The following JAK1 variants were observed in gnomAD, a reference collection of about 807,000 sequenced individuals.
JAK1 encodes tyrosine-protein kinase JAK1.
JAK1 carries 16 observed loss-of-function variants against 136.6 expected under a neutral mutation model. The ratio of observed to expected loss-of-function variants is 0.12; its 90% CI spans 0.08 to 0.18. The LOEUF (loss-of-function observed/expected upper bound fraction) is 0.18. JAK1 is among the 10% of genes least tolerant of loss of function. The probability of loss-of-function intolerance (pLI) is 1.00; values close to 1 mark genes in which losing one functional copy is unlikely to be tolerated. For missense variants in JAK1, 859 were observed against 1,450.1 expected, an observed-to-expected ratio of 0.59 and a Z score of 6.62; for synonymous variants, 492 against 519.5, an observed-to-expected ratio of 0.95 and a Z score of 0.72.
intron 1 of JAK1, among the ~76,000 whole-genome samples, chr1:64,905,306 C>A (rs1244519994): frequency 6.6e-6 from 1 of 152,180 alleles, no homozygotes; most frequent in African/African-American, 2.4e-5. Flanking sequence ...TTACGAAAAC[C>A]TGGGAATCCA....
chr1:65,030,536 ATT>A (rs34009188), intron 2 of JAK1, among the ~76,000 whole-genome samples: 3 of 146,072 alleles, frequency 2.1e-5, no homozygotes, highest in African/African-American at 2.5e-5. Context: ...CCTCCTGACA[ATT>A]TTTTTTTTTT....
chr1:64,857,036 T>C (rs1340600654), intron 10 of JAK1, among the ~76,000 whole-genome samples: 1 of 152,242 alleles, frequency 6.6e-6, no homozygotes, highest in Non-Finnish European at 1.5e-5. Flanking sequence ...CAAAGGCATT[T>C]GTGGTCTAGT....
At chr1:64,880,007 A>C (rs1410069789) in intron 3 of JAK1, among the ~76,000 whole-genome samples, 1 of 152,204 alleles carries the variant, frequency 6.6e-6, no homozygotes, top group Non-Finnish European at 1.5e-5. Context: ...CCAGGCCTCA[A>C]ACTAAGATGA....
intron 1 of JAK1, 57 bp downstream of exon 1, chr1:64,966,276 C>A (rs1383709615): frequency 6.6e-6 from 1 of 152,572 alleles, no homozygotes; most frequent in Non-Finnish European, 1.5e-5. Context: ...GGCTGCGCGC[C>A]CCTCGCCTGC....
In JAK1 at chr1:64,869,438, G is replaced by T. The variant is rs2101132185; in HGVS notation, c.520C>A (p.Arg174=). ...CCATCCTGCTCGGTCTTGGGGTCTC[G>T]AATAGGAGCCAGGCATTTCACCAAA... ...YDLVKCLAPI[R]DPKTEQDGHD... is the part of the protein sequence containing the mutation. Residue 174 remains arginine, a synonymous_variant, in exon 6 of 25, where the codon CGA becomes AGA. Coordinates refer to ENST00000342505, the MANE Select transcript of JAK1 (RefSeq NM_002227.4). 6.2e-7 allele frequency: 1 copy of T among 1,613,962 alleles called. No homozygotes were observed. Among genetic ancestry groups the T allele is most frequent in the Non-Finnish European group, 8.5e-7 (1 of 1,179,942 alleles).
At chr1:65,002,113 G>A (rs1292526976) in intron 2 of JAK1, among the ~76,000 whole-genome samples, 1 of 152,112 alleles carries the variant, frequency 6.6e-6, no homozygotes, top group African/African-American at 2.4e-5. Flanking sequence ...AGAGTCTGCG[G>A]TATGCTGTCC....
chr1:64,960,623 C>A (rs10889512), intron 1 of JAK1, among the ~76,000 whole-genome samples: 128,271 of 152,160 alleles, frequency 0.84, 54,397 homozygotes, highest in East Asian at 1. Flanking sequence ...TCTCTCGCAG[C>A]TCACTCTTAA....
At chr1:64,951,909 G>A (rs2935418) in intron 1 of JAK1, among the ~76,000 whole-genome samples, 5 of 151,868 alleles carry the variant, frequency 3.3e-5, no homozygotes, top group African/African-American at 7.3e-5. Context: ...CGCCCGCCTC[G>A]GCCTCCCAAA....
At chr1:64,996,826 G>A (rs1297742562) in intron 2 of JAK1, among the ~76,000 whole-genome samples, 1 of 152,188 alleles carries the variant, frequency 6.6e-6, no homozygotes, top group Non-Finnish European at 1.5e-5. Flanking sequence ...CCTAAGACAG[G>A]AAAATCTAAC....
intron 2 of JAK1, among the ~76,000 whole-genome samples, chr1:65,024,645 T>C (rs1569898908): frequency 9.3e-6 from 1 of 107,108 alleles, no homozygotes; most frequent in African/African-American, 3.9e-5. Context: ...GCTTCAAGAA[T>C]GGCCTGGTCC....
intron 2 of JAK1, among the ~76,000 whole-genome samples, chr1:65,011,594 T>C (rs1200299232): frequency 1.3e-5 from 2 of 152,242 alleles, no homozygotes; most frequent in Non-Finnish European, 2.9e-5. Flanking sequence ...TTACTACCAC[T>C]GACATATCGA....
At chr1:64,957,699 C>G (rs1285951594) in intron 1 of JAK1, among the ~76,000 whole-genome samples, 1 of 147,222 alleles carries the variant, frequency 6.8e-6, no homozygotes, top group Non-Finnish European at 1.5e-5. Context: ...AATCCCAGCA[C>G]TTTGGGAGGC....
At chr1:64,974,115 T>C (rs1013599580) in intron 2 of JAK1, 2 of 152,230 alleles carry the variant, frequency 1.3e-5, no homozygotes, top group Non-Finnish European at 1.5e-5. Context: ...ATAAATTCAA[T>C]ACATAGGTAT....
chr1:64,960,612 TTC>T (rs1264777479), intron 1 of JAK1, among the ~76,000 whole-genome samples: 1 of 152,222 alleles, frequency 6.6e-6, no homozygotes, highest in Admixed American at 6.5e-5. Context: ...ACAGTCAACC[TTC>T]TCTCGCAGCT....
At chr1:64,963,939 T>C (rs1452514260) in intron 1 of JAK1, among the ~76,000 whole-genome samples, 1 of 152,136 alleles carries the variant, frequency 6.6e-6, no homozygotes, top group Non-Finnish European at 1.5e-5. Context: ...CACCGCTCCC[T>C]TCCCCCAAGT....
chr1:65,030,393 G>T (rs1164428891), intron 2 of JAK1, among the ~76,000 whole-genome samples: 2 of 152,186 alleles, frequency 1.3e-5, no homozygotes, highest in African/African-American at 4.8e-5. Context: ...TCCCTTAGAA[G>T]AGAAAGTTTC....
chr1:64,882,519 T>C (rs1437143573), intron 3 of JAK1, among the ~76,000 whole-genome samples: 1 of 152,226 alleles, frequency 6.6e-6, no homozygotes, highest in Non-Finnish European at 1.5e-5. Flanking sequence ...TGTACAACCA[T>C]CATCACAATC....
intron 2 of JAK1, among the ~76,000 whole-genome samples, chr1:64,987,854 G>A (rs1646614580): frequency 6.6e-6 from 1 of 152,194 alleles, no homozygotes; most frequent in Non-Finnish European, 1.5e-5. Context: ...ACTGTCTGGA[G>A]ATAACATTTC....
chr1:64,871,154 G>C (rs758639345), intron 5 of JAK1, among the ~76,000 whole-genome samples: 3 of 152,146 alleles, frequency 2.0e-5, no homozygotes, highest in Non-Finnish European at 4.4e-5. Flanking sequence ...CACAGTATCT[G>C]CCTGGGGCTG....
Sources: allele counts gnomAD v4.1 joint callset (sites outside exome capture counted in the v4.1 genomes callset), GRCh38; gene constraint gnomAD v4.1.1; transcripts MANE v1.5; gene names NCBI Gene and HGNC (gene_info 2026-07-23, HGNC 2026-07-21).